Variants in MAPK10 observed in about 807,000 individuals in gnomAD.
The protein encoded by MAPK10 is mitogen-activated protein kinase 10.
Under a neutral mutation model 59.3 loss-of-function variants are expected in MAPK10, and 25 were observed. That is an observed-to-expected ratio of 0.42 (90% confidence interval 0.31 to 0.59). MAPK10 has a LOEUF of 0.59. Ranked by LOEUF, MAPK10 falls within the 20% of genes least tolerant of loss-of-function variation. MAPK10 has a pLI of 0.15. For missense variants in MAPK10, 351 were observed against 568.9 expected (o/e 0.62, Z 3.90); for synonymous variants, 190 against 200.5 (o/e 0.95, Z 0.44).
rs1347687478 is a variant in MAPK10 at position 86,159,327 on chromosome 4, A to G, written c.207T>C (p.Pro69=). The G allele has an allele frequency of 6.2e-7, 1 of 1,611,390 alleles. No homozygotes were observed. Reference sequence around the variant, plus strand: ...CTATGCCCTGAGCCCCAGAGCCAATAGGCTTTAGATTCTGGTAGCGCTTGA... The same window carrying G: ...CTATGCCCTGAGCCCCAGAGCCAATGGGCTTTAGATTCTGGTAGCGCTTGA... The part of the protein sequence containing the change: ...TVLKRYQNLK[P]IGSGAQGIVC... Residue 69 remains proline (P), a synonymous_variant, in exon 4 of 14, where the codon CCT becomes CCC. Coordinates refer to ENST00000641462, the MANE Select transcript of MAPK10 (RefSeq NM_138982.4).
chr4:86,243,574 T>C (rs2148694305), intron 2 of MAPK10, among the ~76,000 whole-genome samples: 1 of 152,292 alleles, frequency 6.6e-6, no homozygotes, highest in African/African-American at 2.4e-5. Context: ...GATAAAAGCA[T>C]GCTCCCACTT....
chr4:86,528,064 G>C (rs979536202), intron 1 of MAPK10, among the ~76,000 whole-genome samples: 1 of 152,098 alleles, frequency 6.6e-6, no homozygotes, highest in African/African-American at 2.4e-5. Context: ...TCACTACCTC[G>C]GTGATGGGAT....
chr4:86,563,422 A>G (rs1760823833), intron 1 of MAPK10, among the ~76,000 whole-genome samples: 1 of 152,230 alleles, frequency 6.6e-6, no homozygotes, highest in South Asian at 2.1e-4. Flanking sequence ...ATATTTGAAA[A>G]AGAATTTGTT....
intron 1 of MAPK10, among the ~76,000 whole-genome samples, chr4:86,507,836 G>A (rs1225285637): frequency 6.7e-6 from 1 of 150,032 alleles, no homozygotes; most frequent in African/African-American, 2.5e-5. Flanking sequence ...GGGTTCTCAT[G>A]CACCAATGCC....
chr4:86,091,906 T>TCA (rs2053277834), intron 9 of MAPK10, among the ~76,000 whole-genome samples: 4 of 152,010 alleles, frequency 2.6e-5, no homozygotes, highest in African/African-American at 4.8e-5. Context: ...TCTCCTGACC[T>TCA]TGTGATCTGC....
intron 9 of MAPK10, chr4:86,090,790 C>T (rs1366243522): frequency 6.6e-6 from 1 of 152,014 alleles, no homozygotes; most frequent in Non-Finnish European, 1.5e-5. Context: ...AACATTGAGA[C>T]CAAAAATCTC....
At chr4:86,087,138 T>G (rs1050545470) in intron 9 of MAPK10, among the ~76,000 whole-genome samples, 2 of 152,194 alleles carry the variant, frequency 1.3e-5, no homozygotes, top group African/African-American at 4.8e-5. Flanking sequence ...AAGAAACTAT[T>G]CTAAAAAATG....
chr4:86,523,977 C>T (rs900272922), intron 1 of MAPK10, among the ~76,000 whole-genome samples: 2 of 151,764 alleles, frequency 1.3e-5, no homozygotes, highest in Admixed American at 6.6e-5. Flanking sequence ...CCTACATGAA[C>T]AGATTAATAT....
rs144213035 is a variant in MAPK10 at position 86,467,761 on chromosome 4, G to A, written c.-262-113117C>T. Among the ~76,000 whole-genome samples, 404 of 152,210 alleles carry A rather than the reference G, an allele frequency of 2.7e-3. 1 individual carries two copies. Among genetic ancestry groups the A allele is most frequent in the African/African-American group, 8.8e-3 (365 of 41,552 alleles). The stretch of plus-strand genomic sequence containing the variant: ...TCTCGATCTCTTGACCTCGTGATCC[G>A]CGCACCTCGGCCTCCCAAAGTGCGG... On this transcript the variant is annotated intron_variant, in intron 1 of 4. Coordinates refer to the MAPK10 transcript ENST00000502302.
chr4:86,555,668 CTT>C (rs1211490420), intron 1 of MAPK10, among the ~76,000 whole-genome samples: 1 of 152,178 alleles, frequency 6.6e-6, no homozygotes, highest in Non-Finnish European at 1.5e-5. Flanking sequence ...TTATTTGAAT[CTT>C]TCTTTCCTTG....
chr4:86,386,793 C>T (rs887012814), intron 1 of MAPK10, among the ~76,000 whole-genome samples: 2 of 152,074 alleles, frequency 1.3e-5, no homozygotes, highest in African/African-American at 4.8e-5. Flanking sequence ...ATACTACAGG[C>T]GGAAACTTGG....
At chr4:86,131,307 C>G (rs2060961387) in intron 4 of MAPK10, among the ~76,000 whole-genome samples, 1 of 152,116 alleles carries the variant, frequency 6.6e-6, no homozygotes, top group Non-Finnish European at 1.5e-5. Context: ...AACAGGCATA[C>G]AGACAGTTTA....
intron 2 of MAPK10, among the ~76,000 whole-genome samples, chr4:86,309,814 T>C (rs1201753582): frequency 6.6e-6 from 1 of 152,164 alleles, no homozygotes; most frequent in Non-Finnish European, 1.5e-5. Context: ...AAGTGCTTAA[T>C]AAACGCAACC....
intron 9 of MAPK10, chr4:86,082,193 ACT>A (rs1181428758): frequency 6.6e-6 from 1 of 152,180 alleles, no homozygotes; most frequent in African/African-American, 2.4e-5. Context: ...ACTGTGGCTA[ACT>A]CTGTGTGGAA....
chr4:86,037,049 C>T (rs751027974), intron 11 of MAPK10, among the ~76,000 whole-genome samples: 8 of 152,094 alleles, frequency 5.3e-5, no homozygotes, highest in East Asian at 1.9e-4. Context: ...TTTTTAGAAA[C>T]GTAAAATTCA....
intron 1 of MAPK10, among the ~76,000 whole-genome samples, chr4:86,447,456 C>T (rs1750177896): frequency 6.6e-6 from 1 of 152,320 alleles, no homozygotes; most frequent in South Asian, 2.1e-4. Flanking sequence ...AATACACATA[C>T]TGTATAAACC....
chr4:86,526,964 GC>G (rs1757508625), intron 1 of MAPK10, among the ~76,000 whole-genome samples: 1 of 152,028 alleles, frequency 6.6e-6, no homozygotes, highest in African/African-American at 2.4e-5. Context: ...ATTAAGACTT[GC>G]TTTATGGCCA....
At chr4:86,446,166 TG>T (rs1241101703) in intron 1 of MAPK10, among the ~76,000 whole-genome samples, 1 of 152,238 alleles carries the variant, frequency 6.6e-6, no homozygotes, top group East Asian at 1.9e-4. Context: ...ACAAGGTACT[TG>T]TATTATCTGT....
intron 1 of MAPK10, among the ~76,000 whole-genome samples, chr4:86,408,034 C>T (rs1011328254): frequency 1.3e-5 from 2 of 151,834 alleles, no homozygotes; most frequent in African/African-American, 4.8e-5. Flanking sequence ...GGTATTTCTC[C>T]AATGCTATCC....
Sources: allele counts gnomAD v4.1 joint callset (sites outside exome capture counted in the v4.1 genomes callset), GRCh38; gene constraint gnomAD v4.1.1; transcripts MANE v1.5; gene names NCBI Gene and HGNC (gene_info 2026-07-23, HGNC 2026-07-21).